Variants in NUMA1 observed in about 807,000 individuals in gnomAD.
NUMA1 encodes SP-H antigen.
NUMA1 carries 62 observed loss-of-function variants against 237.1 expected under a neutral mutation model. The ratio of observed to expected loss-of-function variants is 0.26; its 90% CI spans 0.21 to 0.32. The LOEUF (loss-of-function observed/expected upper bound fraction) is 0.32. Ranked by LOEUF, NUMA1 falls within the 10% of genes least tolerant of loss-of-function variation. NUMA1 has a pLI of 1.00. For missense variants in NUMA1, 2,533 were observed against 2,666.5 expected, an observed-to-expected ratio of 0.95 and a Z score of 1.10; for synonymous variants, 1,028 against 1,066.1, an observed-to-expected ratio of 0.96 and a Z score of 0.70.
intron 4 of NUMA1, among the ~76,000 whole-genome samples, chr11:72,027,973 C>A (rs935989470): frequency 6.6e-6 from 1 of 152,024 alleles, no homozygotes; most frequent in Non-Finnish European, 1.5e-5. Flanking sequence ...ACTGTCTGGA[C>A]CAAAATAAGA....
rs1308668694 is a variant in NUMA1 at position 72,003,531 on chromosome 11, T to C, written c.6344A>G (p.His2115Arg). 2.5e-6 allele frequency: 4 copies of C among 1,614,022 alleles called. No individual in the cohort carries two copies. The highest frequency in any genetic ancestry group is 2.7e-5 in the African/African-American group (2 of 74,922). ...ATPRAKGKAK[H>R] ...CCACTCACTGGTACTGGCCCTTTAG[T>C]GCTTTGCCTGAAAGAGACACAGTCA... The change falls in exon 27 of 27, where the codon CAC (histidine) becomes CGC (arginine). Residue 2115 changes from histidine (H) to arginine (R), a missense_variant. This residue lies in a region of NUMA1 where 795 missense variants were observed against 750.8 expected (regional missense o/e 1.06). Transcript: ENST00000393695.
At position 72,016,210 on chromosome 11, in the gene NUMA1, C is replaced by T. The variant is rs1269912167; in HGVS notation, c.1293G>A (p.Gln431=). The T allele has an allele frequency of 6.2e-7, 1 of 1,605,892 alleles. No individual in the cohort carries two copies. Among genetic ancestry groups the T allele is most frequent in the Admixed American group, 1.7e-5 (1 of 59,898 alleles). ...CCAGCATCTCTACCCTGGCTTGGAG[C>T]TGTGTGTTGTTTGCAGCAAGAGTGG... ...EAATLAANNT[Q]LQARVEMLET... is the part of the protein sequence containing the mutation. Residue 431 remains glutamine, a synonymous_variant, in exon 15 of 27, where the codon CAG becomes CAA. Coordinates refer to ENST00000393695, the MANE Select transcript of NUMA1 (RefSeq NM_006185.4).
chr11:72,029,607 AGGAACTTGAC>A (rs1940031511), intron 3 of NUMA1, among the ~76,000 whole-genome samples: 1 of 152,222 alleles, frequency 6.6e-6, no homozygotes, highest in African/African-American at 2.4e-5. Flanking sequence ...TTCTAAAGAG[AGGAACTTGAC>A]AGCAGGGAGT....
intron 1 of NUMA1, among the ~76,000 whole-genome samples, chr11:72,071,472 TA>T (rs1401464301): frequency 5.3e-5 from 8 of 152,304 alleles, no homozygotes; most frequent in Non-Finnish European, 1.0e-4. Flanking sequence ...TGTTCAAAGT[TA>T]AAGCAGACTA....
At chr11:72,030,765 G>A (rs1453661389) in intron 3 of NUMA1, among the ~76,000 whole-genome samples, 1 of 152,226 alleles carries the variant, frequency 6.6e-6, no homozygotes, top group Non-Finnish European at 1.5e-5. Context: ...GTTATGTGCA[G>A]ACAACTAGAT....
chr11:72,043,716 A>G (rs1318014455), intron 2 of NUMA1, among the ~76,000 whole-genome samples: 1 of 152,082 alleles, frequency 6.6e-6, no homozygotes, highest in Non-Finnish European at 1.5e-5. Context: ...AGAGGTCACA[A>G]TCATTGGCTA....
chr11:72,017,709 A>C lies in NUMA1; in HGVS notation c.1097T>G (p.Leu366Arg). 2 of 1,613,298 alleles carry C rather than the reference A, an allele frequency of 1.2e-6. No individual in the cohort carries two copies. The highest frequency in any genetic ancestry group is 1.7e-6 in the Non-Finnish European group (2 of 1,180,010). Residue 366 changes from leucine (L) to arginine (R), a missense_variant, in exon 13 of 27, where the codon CTC becomes CGC. Leu to Arg is a moderately radical substitution (Grantham distance 102, BLOSUM62 -2). Around this residue, in one of 3 missense-constraint regions of NUMA1, gnomAD observed 1,414 missense variants for 1,508.1 expected, o/e 0.94. Transcript: ENST00000393695. ...LEKQAQLEKE[L>R]SAALQDKKCL... ...TACCTTGTCCTGCAGGGCTGCGCTG[A>C]GCTCCTTCTCCAGCTGGGCCTGCTT...
Position 72,014,457 on chromosome 11 carries a change from C to A in NUMA1, c.3046G>T (p.Ala1016Ser). 1 of 1,604,274 alleles carries A rather than the reference C, an allele frequency of 6.2e-7. No homozygotes were observed. Among genetic ancestry groups the A allele is most frequent in the Admixed American group, 1.7e-5 (1 of 60,016 alleles). The change falls in exon 15 of 27, where the codon GCC (alanine) becomes TCC (serine). Residue 1016 changes from alanine to serine, a missense_variant. By Grantham distance (99) the Ala-to-Ser change is moderately conservative. This residue lies in a region of NUMA1 where 1,414 missense variants were observed against 1,508.1 expected (regional missense o/e 0.94). Coordinates refer to ENST00000393695, the MANE Select transcript of NUMA1 (RefSeq NM_006185.4). This position sits in a 1 kb window ranked among gnomAD's most constrained non-coding sequence, Gnocchi z 4.6. Reference sequence around the variant, plus strand: ...TTCTCCAGGGCAAGGTCAGCCTGGGCACGGCCCCGCTCCTGGGTCAGCCGC... The same window carrying A: ...TTCTCCAGGGCAAGGTCAGCCTGGGAACGGCCCCGCTCCTGGGTCAGCCGC... ...VARLTQERGR[A>S]QADLALEKAA...
At chr11:72,029,020 G>A (rs996905851) in intron 4 of NUMA1, among the ~76,000 whole-genome samples, 185 bp downstream of exon 4, 2 of 152,194 alleles carry the variant, frequency 1.3e-5, no homozygotes, top group Admixed American at 6.5e-5. Context: ...CCCATGGAGT[G>A]GTACAGCAAC....
Position 72,013,098 on chromosome 11 carries a change from A to C in NUMA1, c.4405T>G (p.Leu1469Val), listed in dbSNP as rs1236296815. Residue 1469 changes from leucine to valine, a missense_variant, in exon 15 of 27, where the codon TTG becomes GTG. By Grantham distance (32) the Leu-to-Val change is conservative. This residue lies in a region of NUMA1 where 324 missense variants were observed against 407.6 expected (regional missense o/e 0.79). Coordinates refer to ENST00000393695, the MANE Select transcript of NUMA1 (RefSeq NM_006185.4). The surrounding 1 kb of genome is among the most constrained non-coding windows in gnomAD (Gnocchi z 6.8). ...NLGRQFLEVE[L>V]DQAREKYVQE... is the part of the protein sequence containing the mutation. ...ACATACTTCTCCCGGGCCTGGTCCAACTCCACTTCCAGAAACTGCCGGCCA... is the reference window on the plus strand; with the variant it reads ...ACATACTTCTCCCGGGCCTGGTCCACCTCCACTTCCAGAAACTGCCGGCCA... 1.9e-6 allele frequency: 3 copies of C among 1,613,374 alleles called. No homozygotes were observed. In the African/African-American group the frequency reaches 4.0e-5, roughly 22 times the overall value.
At position 72,015,178 on chromosome 11, in the gene NUMA1, C is replaced by G. The variant is rs1956438374; in HGVS notation, c.2325G>C (p.Gly775=). Residue 775 remains glycine, a synonymous_variant, in exon 15 of 27, where the codon GGG becomes GGC. Transcript: ENST00000393695. This position sits in a 1 kb window ranked among gnomAD's most constrained non-coding sequence, Gnocchi z 4.0. The part of the protein sequence containing the change: ...KGLEARLQQL[G]EAHQAETEVL... Reference sequence around the variant, plus strand: ...CTTCAGTCTCAGCCTGATGGGCCTCCCCAAGCTGCTGTAATCGAGCCTCCA... The same window carrying G: ...CTTCAGTCTCAGCCTGATGGGCCTCGCCAAGCTGCTGTAATCGAGCCTCCA... 6.2e-7 allele frequency: 1 copy of G among 1,613,418 alleles called. No individual in the cohort carries two copies. The highest frequency in any genetic ancestry group is 1.7e-5 in the Admixed American group (1 of 60,010).
chr11:72,072,853 G>A lies in NUMA1; in HGVS notation c.-102-2942C>T, dbSNP rs188444201. 1.6e-4 allele frequency among the ~76,000 whole-genome samples: 25 copies of A among 151,782 alleles called. No homozygotes were observed. In the East Asian group the frequency reaches 3.7e-3, roughly 22 times the overall value. ...GCGGATCACACTGTCAGGAGATAGAGACCACGGTGAAACCCCGTCTCTACT... is the reference window on the plus strand; with the variant it reads ...GCGGATCACACTGTCAGGAGATAGAAACCACGGTGAAACCCCGTCTCTACT... On this transcript the variant is annotated intron_variant, in intron 1 of 26. Transcript: ENST00000393695.
At chr11:72,023,212 C>T in intron 5 of NUMA1, 65 bp from the exon 6 acceptor site, 1 of 1,197,628 alleles carries the variant, frequency 8.3e-7, no homozygotes. Flanking sequence ...GATCCCAGAA[C>T]ACTGAAATCT....
At chr11:72,047,524 G>A (rs75926116) in intron 2 of NUMA1, among the ~76,000 whole-genome samples, 2 of 151,960 alleles carry the variant, frequency 1.3e-5, no homozygotes, top group Non-Finnish European at 2.9e-5. Context: ...AGTACTAGGA[G>A]AGTTCAAGTC....
chr11:72,022,191 C>T (rs987119958), intron 7 of NUMA1, 148 bp downstream of exon 7: 9 of 583,502 alleles, frequency 1.5e-5, no homozygotes, highest in African/African-American at 3.8e-5. Context: ...TGCTTTTCAA[C>T]GTTTCCCAGA....
At chr11:72,058,488 A>G (rs1591060233) in intron 2 of NUMA1, among the ~76,000 whole-genome samples, 1 of 152,348 alleles carries the variant, frequency 6.6e-6, no homozygotes, top group East Asian at 1.9e-4. Flanking sequence ...ACGTGTTCAC[A>G]TATTTTTCTA....
chr11:72,047,633 G>C (rs1012058205), intron 2 of NUMA1, among the ~76,000 whole-genome samples: 5 of 152,122 alleles, frequency 3.3e-5, no homozygotes, highest in Non-Finnish European at 7.4e-5. Context: ...TTCTAGAGTC[G>C]TTATTCCCTT....
chr11:72,006,211 C>G lies in NUMA1; in HGVS notation c.5516G>C (p.Arg1839Pro). The G allele has an allele frequency of 3.1e-6, 5 of 1,614,148 alleles. No individual in the cohort carries two copies. Among genetic ancestry groups the G allele is most frequent in the Non-Finnish European group, 4.2e-6 (5 of 1,180,026 alleles). The stretch of plus-strand genomic sequence containing the variant: ...GCTAGCCTGGGAAGCAGGAGCAGAC[C>G]GCGTGCTGTAGAACGATGAGTTGGC... Reference protein sequence around the residue: ...DSANSSFYSTRSAPASQASLR... With the variant: ...DSANSSFYSTPSAPASQASLR... The change falls in exon 22 of 27, where the codon CGG becomes CCG. Residue 1839 changes from arginine to proline, a missense_variant. By Grantham distance (103) the Arg-to-Pro change is moderately radical. Coordinates refer to ENST00000393695, the MANE Select transcript of NUMA1 (RefSeq NM_006185.4).
At chr11:72,043,357 CTTTTTTT>C (rs35559801) in intron 2 of NUMA1, among the ~76,000 whole-genome samples, 11 of 105,656 alleles carry the variant, frequency 1.0e-4, no homozygotes, top group African/African-American at 3.6e-4. Flanking sequence ...AGGCGGAGTT[CTTTTTTT>C]TTTTTTTTTT....
Sources: gnomAD v4.1 joint callset for allele counts (sites outside exome capture counted in the v4.1 genomes callset) on GRCh38, gnomAD v4.1.1 for gene constraint, gnomAD v4.1.1 regional missense constraint, Gnocchi (gnomAD v3.1) non-coding constraint, MANE v1.5 for transcripts, NCBI Gene and HGNC (gene_info 2026-07-23, HGNC 2026-07-21) for gene names.